The following REDIC1 variants were observed in gnomAD, a reference collection of about 807,000 sequenced individuals.
REDIC1 encodes regulator of DNA class I crossover intermediates 1, also known as HEI10 Interacting Protein 1.
chr12:39,742,684 T>G, the REDIC1 span, among the ~76,000 whole-genome samples: 1 of 152,218 alleles, frequency 6.6e-6, no homozygotes, highest in Non-Finnish European at 1.5e-5. Context: ...GCTGGAATTT[T>G]TCATGTTGTA....
the REDIC1 span, among the ~76,000 whole-genome samples, chr12:39,900,866 A>T: frequency 7.0e-4 from 107 of 152,344 alleles, 1 homozygote; most frequent in African/African-American, 2.5e-3. Flanking sequence ...ACCAAAAAAG[A>T]TCCCGCATCG....
the REDIC1 span, among the ~76,000 whole-genome samples, chr12:39,644,647 T>C: frequency 6.6e-6 from 1 of 151,902 alleles, no homozygotes; most frequent in Non-Finnish European, 1.5e-5. Context: ...TTTACACAAG[T>C]AAATTTAGTT....
At chr12:39,831,101 A>C in the REDIC1 span, among the ~76,000 whole-genome samples, 1 of 152,192 alleles carries the variant, frequency 6.6e-6, no homozygotes, top group Non-Finnish European at 1.5e-5. Flanking sequence ...GATGGCAAGC[A>C]CATGCAAGGT....
chr12:39,887,023 T>C, the REDIC1 span, among the ~76,000 whole-genome samples: 1 of 152,166 alleles, frequency 6.6e-6, no homozygotes, highest in Non-Finnish European at 1.5e-5. Flanking sequence ...CTCAACAGAA[T>C]AGCTCTACAG....
At chr12:39,712,166 A>ATACATATATACC in the REDIC1 span, among the ~76,000 whole-genome samples, 1 of 143,972 alleles carries the variant, frequency 6.9e-6, no homozygotes, top group African/African-American at 2.6e-5. Flanking sequence ...GTATATGTAC[A>ATACATATATACC]TGTATATATA....
chr12:39,683,380 A>G, the REDIC1 span: 4 of 1,468,908 alleles, frequency 2.7e-6, no homozygotes, highest in Admixed American at 6.9e-5. Flanking sequence ...GACTATGCTA[A>G]ATTTTTAACT....
chr12:39,903,266 C>A, the REDIC1 span, among the ~76,000 whole-genome samples: 1 of 152,132 alleles, frequency 6.6e-6, no homozygotes, highest in Non-Finnish European at 1.5e-5. Context: ...GAAATGGGCA[C>A]TAATCTATGT....
chr12:39,794,338 A>G, the REDIC1 span, among the ~76,000 whole-genome samples: 3 of 152,140 alleles, frequency 2.0e-5, no homozygotes, highest in Admixed American at 6.6e-5. Context: ...CTCTTTAGTT[A>G]CTTGAAAGAT....
At chr12:39,846,640 T>C in the REDIC1 span, among the ~76,000 whole-genome samples, 2 of 151,990 alleles carry the variant, frequency 1.3e-5, no homozygotes, top group Admixed American at 6.6e-5. Context: ...TTTGGAGAAA[T>C]GGGATTTTGC....
chr12:39,650,224 A>G, the REDIC1 span: 225 of 1,550,020 alleles, frequency 1.5e-4, 1 homozygote, highest in African/African-American at 2.1e-3. This position sits in a 1 kb window ranked among gnomAD's most constrained non-coding sequence, Gnocchi z 4.3. Context: ...AGTTTCTTCA[A>G]ATTTTTTTTT....
the REDIC1 span, among the ~76,000 whole-genome samples, chr12:39,716,077 T>C: frequency 6.6e-6 from 1 of 151,916 alleles, no homozygotes; most frequent in South Asian, 2.1e-4. Context: ...GTTTATTGCA[T>C]ATAGTAGGGC....
the REDIC1 span, among the ~76,000 whole-genome samples, chr12:39,666,277 G>C: frequency 1.2e-4 from 19 of 152,104 alleles, no homozygotes; most frequent in East Asian, 3.9e-4. Flanking sequence ...TAGCATGAAG[G>C]GTTGTTGAAT....
chr12:39,655,047 C>T, the REDIC1 span, among the ~76,000 whole-genome samples: 1 of 151,992 alleles, frequency 6.6e-6, no homozygotes, highest in Non-Finnish European at 1.5e-5. Flanking sequence ...CCTTGAAATC[C>T]TTTTAGTTTC....
the REDIC1 span, among the ~76,000 whole-genome samples, chr12:39,709,705 G>A: frequency 0.016 from 2,461 of 151,662 alleles, 62 homozygotes; most frequent in African/African-American, 0.054. Context: ...GTATTCAATT[G>A]TACGTGTATG....
the REDIC1 span, chr12:39,721,379 G>T: frequency 4.0e-6 from 3 of 741,380 alleles, no homozygotes; most frequent in African/African-American, 5.4e-5. Context: ...ACAGTGTTCA[G>T]GGTGTATATT....
At chr12:39,715,231 AT>A in the REDIC1 span, among the ~76,000 whole-genome samples, 6 of 151,834 alleles carry the variant, frequency 4.0e-5, no homozygotes, top group Admixed American at 4.0e-4. Context: ...TCTTGAGTTG[AT>A]TTTTTGTCTA....
At chr12:39,712,798 T>G in the REDIC1 span, among the ~76,000 whole-genome samples, 2 of 98,712 alleles carry the variant, frequency 2.0e-5, no homozygotes, top group East Asian at 5.2e-4. Flanking sequence ...TATATGTATA[T>G]ATGTGTATAC....
chr12:39,871,988 C>T, the REDIC1 span: 3 of 1,505,952 alleles, frequency 2.0e-6, no homozygotes, highest in African/African-American at 1.4e-5. Context: ...AAAACAATTG[C>T]TATTGATAGT....
the REDIC1 span, among the ~76,000 whole-genome samples, chr12:39,676,075 C>T: frequency 6.6e-6 from 1 of 152,046 alleles, no homozygotes; most frequent in Admixed American, 6.6e-5. Context: ...CACTAGTTCT[C>T]CAGCAATGGA....
Sources: gnomAD v4.1 joint callset for allele counts (sites outside exome capture counted in the v4.1 genomes callset) on GRCh38, gnomAD v4.1.1 for gene constraint, Gnocchi (gnomAD v3.1) non-coding constraint, MANE v1.5 for transcripts, NCBI Gene and HGNC (gene_info 2026-07-23, HGNC 2026-07-21) for gene names.